The following SNRPG variants were observed in gnomAD, a reference collection of about 807,000 sequenced individuals.
SNRPG encodes small nuclear ribonucleoprotein G.
SNRPG carries 3 observed loss-of-function variants against 13.9 expected under a neutral mutation model. The ratio of observed to expected loss-of-function variants is 0.22; its 90% CI spans 0.10 to 0.56. The LOEUF (loss-of-function observed/expected upper bound fraction) is 0.56, where lower values mean the gene tolerates loss of function less well. SNRPG is among the 20% of genes least tolerant of loss of function. The pLI is 0.93. For missense variants in SNRPG, 34 were observed against 96.1 expected (o/e 0.35, Z 2.70); for synonymous variants, 29 against 29.3 (o/e 0.99, Z 0.03).
At chr2:70,287,475 G>T in intron 3 of SNRPG, 2 of 598,598 alleles carry the variant, frequency 3.3e-6, no homozygotes, top group South Asian at 2.1e-5. Context: ...ATCCTATGAG[G>T]GCTCAGTATG....
At chr2:70,293,191 G>C (rs750641299) in intron 1 of SNRPG, 1 of 702,442 alleles carries the variant, frequency 1.4e-6, no homozygotes, top group South Asian at 1.5e-5. Context: ...TTCGGATTCT[G>C]ATGCCTCACG....
At chr2:70,291,992 G>C (rs2104925691) in intron 1 of SNRPG, among the ~76,000 whole-genome samples, 1 of 143,928 alleles carries the variant, frequency 6.9e-6, no homozygotes, top group East Asian at 2.0e-4. Context: ...CTGTTGCCCA[G>C]GCTGGAGTGC....
chr2:70,287,406 A>G (rs1453857074), intron 3 of SNRPG: 2 of 693,512 alleles, frequency 2.9e-6, no homozygotes, highest in Admixed American at 4.2e-5. Flanking sequence ...AAGTCTGGGT[A>G]TCAAAACTCT....
Position 70,293,285 on chromosome 2 carries a change from T to C in SNRPG, c.32+333A>G, listed in dbSNP as rs938792192. On this transcript the variant is annotated intron_variant, in intron 1 of 3. Coordinates refer to ENST00000272348, the MANE Select transcript of SNRPG (RefSeq NM_003096.4). ...CCCCTCTAGCCGTCTATCTAGAACATGATACTATTCGAGATGTTCAACAAA... is the reference window on the plus strand; with the variant it reads ...CCCCTCTAGCCGTCTATCTAGAACACGATACTATTCGAGATGTTCAACAAA... The C allele has an allele frequency of 5.6e-5, 39 of 691,728 alleles. No homozygotes were observed. The African/African-American group carries it at 5.7e-4, about 10-fold the overall frequency. The allele number at this position is 691,728 out of a possible 1,614,324, so 42.8% of individuals were successfully genotyped here.
At chr2:70,282,577 G>A (rs1472767016) in intron 3 of SNRPG, among the ~76,000 whole-genome samples, 1 of 152,214 alleles carries the variant, frequency 6.6e-6, no homozygotes. Context: ...ATCTTGGAAA[G>A]CTTCAAATGC....
chr2:70,281,363 C>A lies in SNRPG; in HGVS notation c.*271G>T. On this transcript the variant is annotated 3_prime_UTR_variant, in exon 4 of 4. Coordinates refer to ENST00000272348, the MANE Select transcript of SNRPG (RefSeq NM_003096.4). ...TTGAAAGATGATGGACAGAAGGAAT[C>A]CTTGCCATGTTTCACATTTAATAAG... The A allele has an allele frequency of 3.7e-6, 1 of 268,636 alleles. No homozygotes were observed. The highest frequency in any genetic ancestry group is 7.4e-6 in the Non-Finnish European group (1 of 134,964). 16.6% of individuals were successfully genotyped at this position (268,636 alleles called of 1,614,324 possible).
At chr2:70,285,443 G>A (rs1195228098) in intron 3 of SNRPG, among the ~76,000 whole-genome samples, 1 of 152,262 alleles carries the variant, frequency 6.6e-6, no homozygotes, top group African/African-American at 2.4e-5. Context: ...GTGGTGGTGT[G>A]CGCCTGTAGT....
chr2:70,284,766 C>G (rs1253631404), intron 3 of SNRPG, among the ~76,000 whole-genome samples: 1 of 152,126 alleles, frequency 6.6e-6, no homozygotes, highest in African/African-American at 2.4e-5. Flanking sequence ...GCAAGAAAAG[C>G]TAGCCTTCCT....
chr2:70,293,129 C>A, intron 1 of SNRPG: 1 of 699,862 alleles, frequency 1.4e-6, no homozygotes, highest in South Asian at 1.5e-5. Context: ...AATGAGGTTT[C>A]TAAGTAAAAG....
chr2:70,292,969 AG>A, intron 1 of SNRPG: 1 of 591,714 alleles, frequency 1.7e-6, no homozygotes, highest in African/African-American at 1.9e-5. Flanking sequence ...CTGGGTGTGT[AG>A]AAAAAACTTC....
At chr2:70,289,513 G>C in intron 1 of SNRPG, 141 bp from the exon 2 acceptor site, 1 of 551,178 alleles carries the variant, frequency 1.8e-6, no homozygotes. Flanking sequence ...ATAATGTATT[G>C]CTGTAAAGAG....
intron 3 of SNRPG, among the ~76,000 whole-genome samples, chr2:70,285,389 T>C (rs372306840): frequency 2.0e-5 from 3 of 152,210 alleles, no homozygotes; most frequent in East Asian, 1.9e-4. Flanking sequence ...CTGGCCAACA[T>C]AGTGAAACCC....
chr2:70,290,454 C>T (rs1457559820), intron 1 of SNRPG, among the ~76,000 whole-genome samples: 1 of 150,496 alleles, frequency 6.6e-6, no homozygotes, highest in Non-Finnish European at 1.5e-5. Flanking sequence ...GAGATTAAGC[C>T]ATGCAGTCAA....
At chr2:70,293,366 A>G (rs2272532) in intron 1 of SNRPG, 55,782 of 630,004 alleles carry the variant, frequency 0.089, 3,224 homozygotes, top group African/African-American at 0.2. Context: ...ACCAGGGGCC[A>G]GACCGCGGGA....
intron 3 of SNRPG, among the ~76,000 whole-genome samples, chr2:70,284,307 T>C (rs775414295): frequency 3.3e-5 from 5 of 152,112 alleles, no homozygotes; most frequent in Non-Finnish European, 5.9e-5. Context: ...GCTGGGACTA[T>C]AGGCGCACAT....
At chr2:70,292,345 C>T (rs188287676) in intron 1 of SNRPG, among the ~76,000 whole-genome samples, 19 of 151,914 alleles carry the variant, frequency 1.3e-4, no homozygotes, top group South Asian at 6.2e-4. Flanking sequence ...CCTTTAAATG[C>T]AAAAATATTA....
At chr2:70,287,390 GACTC>G in intron 3 of SNRPG, 1 of 694,524 alleles carries the variant, frequency 1.4e-6, no homozygotes, top group South Asian at 1.5e-5. Flanking sequence ...GACAAAGAGG[GACTC>G]AAAGTCTGGG....
intron 1 of SNRPG, among the ~76,000 whole-genome samples, chr2:70,290,823 TAAAAAAAAAAAAAAAAAAAAA>T (rs57720967): frequency 0.12 from 3,050 of 25,400 alleles, 91 homozygotes; most frequent in Non-Finnish European, 0.15. Context: ...CCGTCTCTAC[TAAAAAAAAAAAAAAAAAAAAA>T]AAAAAAAAAA....
At chr2:70,283,690 A>G (rs563443494) in intron 3 of SNRPG, among the ~76,000 whole-genome samples, 1 of 152,338 alleles carries the variant, frequency 6.6e-6, no homozygotes, top group South Asian at 2.1e-4. Flanking sequence ...AGGGAACACA[A>G]TTGGTAGGAT....
Sources: gnomAD v4.1 joint callset for allele counts (sites outside exome capture counted in the v4.1 genomes callset) on GRCh38, gnomAD v4.1.1 for gene constraint, MANE v1.5 for transcripts, NCBI Gene and HGNC (gene_info 2026-07-23, HGNC 2026-07-21) for gene names.